Variants in HS6ST3 observed in about 807,000 individuals in gnomAD.
HS6ST3 encodes the protein heparan-sulfate 6-O-sulfotransferase 3.
Under a neutral mutation model 36.7 loss-of-function variants are expected in HS6ST3, and 12 were observed. The observed-to-expected ratio is 0.33, with a 90% CI of 0.21 to 0.53. The LOEUF (loss-of-function observed/expected upper bound fraction) is 0.53, where lower values mean the gene tolerates loss of function less well. HS6ST3 is among the 20% of genes least tolerant of loss of function. The probability of loss-of-function intolerance (pLI) is 0.95; values close to 1 mark genes in which losing one functional copy is unlikely to be tolerated. For synonymous variants in HS6ST3, 240 were observed against 257.5 expected (o/e 0.93, Z 0.65); for missense variants, 584 against 640.9 (o/e 0.91, Z 0.96).
intron 1 of HS6ST3, among the ~76,000 whole-genome samples, chr13:96,252,257 C>T (rs549884108): frequency 7.2e-5 from 11 of 152,176 alleles, no homozygotes; most frequent in African/African-American, 2.4e-4. Flanking sequence ...ATGAATTGAC[C>T]CCATTGCCTT....
intron 1 of HS6ST3, among the ~76,000 whole-genome samples, chr13:96,586,163 T>G (rs79201067): frequency 0.012 from 1,904 of 152,328 alleles, 43 homozygotes; most frequent in African/African-American, 0.044. Flanking sequence ...ACTTTTGTCT[T>G]GCTAGTATCT....
At chr13:96,494,179 G>A (rs2055960929) in intron 1 of HS6ST3, among the ~76,000 whole-genome samples, 1 of 152,020 alleles carries the variant, frequency 6.6e-6, no homozygotes, top group Non-Finnish European at 1.5e-5. Context: ...TTAATAAAAT[G>A]TGGCACCTAT....
intron 1 of HS6ST3, among the ~76,000 whole-genome samples, chr13:96,712,522 A>G (rs1875585945): frequency 1.3e-5 from 2 of 152,142 alleles, no homozygotes; most frequent in African/African-American, 2.4e-5. Context: ...GTTCAAAGGT[A>G]TTGTGTGGCC....
At chr13:96,574,580 T>C in intron 1 of HS6ST3, 2 of 264,612 alleles carry the variant, frequency 7.6e-6, no homozygotes, top group South Asian at 7.0e-5. Flanking sequence ...AGGTGCCTCC[T>C]CTTCCTGGTC....
At chr13:96,233,221 T>C (rs1189406078) in intron 1 of HS6ST3, among the ~76,000 whole-genome samples, 1 of 152,208 alleles carries the variant, frequency 6.6e-6, no homozygotes, top group Non-Finnish European at 1.5e-5. Flanking sequence ...GGGACCACTA[T>C]TAGGCTAGCA....
At chr13:96,136,063 C>T (rs937943969) in intron 1 of HS6ST3, among the ~76,000 whole-genome samples, 1 of 152,064 alleles carries the variant, frequency 6.6e-6, no homozygotes, top group African/African-American at 2.4e-5. Flanking sequence ...GTGTGTCTGC[C>T]GTATAGGGTC....
chr13:96,158,589 AT>A (rs1194216753), intron 1 of HS6ST3, among the ~76,000 whole-genome samples: 3 of 131,474 alleles, frequency 2.3e-5, no homozygotes, highest in African/African-American at 8.5e-5. Flanking sequence ...GGAGGCCGAG[AT>A]TGCAGTGAGC....
At chr13:96,755,256 T>C (rs1191115996) in intron 1 of HS6ST3, among the ~76,000 whole-genome samples, 1 of 152,220 alleles carries the variant, frequency 6.6e-6, no homozygotes, top group Non-Finnish European at 1.5e-5. Flanking sequence ...AATTAGATTG[T>C]CTACACACTT....
chr13:96,203,029 T>G (rs1285627408), intron 1 of HS6ST3, among the ~76,000 whole-genome samples: 2 of 152,188 alleles, frequency 1.3e-5, no homozygotes, highest in African/African-American at 4.8e-5. Context: ...ACTCACTCCC[T>G]CACTCATTTA....
chr13:96,607,401 C>T (rs2056442887), intron 1 of HS6ST3, among the ~76,000 whole-genome samples: 1 of 152,174 alleles, frequency 6.6e-6, no homozygotes, highest in South Asian at 2.1e-4. Flanking sequence ...CTGTCCACAA[C>T]ATGTAAGAAC....
At chr13:96,397,175 C>T (rs900573568) in intron 1 of HS6ST3, among the ~76,000 whole-genome samples, 1 of 152,126 alleles carries the variant, frequency 6.6e-6, no homozygotes, top group African/African-American at 2.4e-5. Context: ...TGCACTCCAG[C>T]CTGGGCAACA....
chr13:96,664,779 C>G (rs1480012747), intron 1 of HS6ST3, among the ~76,000 whole-genome samples: 1 of 152,184 alleles, frequency 6.6e-6, no homozygotes, highest in South Asian at 2.1e-4. Flanking sequence ...ATCAAGTTCT[C>G]TGACTTTCCC....
intron 1 of HS6ST3, among the ~76,000 whole-genome samples, chr13:96,292,963 T>C (rs1464800472): frequency 6.6e-6 from 1 of 152,100 alleles, no homozygotes; most frequent in African/African-American, 2.4e-5. Flanking sequence ...AGTTCACAAC[T>C]AATGGATGAT....
At chr13:96,820,031 G>A (rs181714131) in intron 1 of HS6ST3, among the ~76,000 whole-genome samples, 1,659 of 152,060 alleles carry the variant, frequency 0.011, 11 homozygotes, top group Middle Eastern at 0.031. Flanking sequence ...AGCCGAGATC[G>A]TGCCACTGCA....
chr13:96,106,167 A>G lies in HS6ST3; in HGVS notation c.707+14598A>G, dbSNP rs146661848. Among the ~76,000 whole-genome samples the G allele has an allele frequency of 4.0e-3, 612 of 152,378 alleles. 3 individuals are homozygous for G. Among genetic ancestry groups the G allele is most frequent in the African/African-American group, 0.014 (588 of 41,588 alleles). ...GTAGTTGTTAAAGTATTAACGTCCA[A>G]TAAATTCTCTGATACTCTTTCCTTG... On this transcript the variant is annotated intron_variant, in intron 1 of 1. Coordinates refer to ENST00000376705, the MANE Select transcript of HS6ST3 (RefSeq NM_153456.4).
chr13:96,507,034 A>G (rs961613509), intron 1 of HS6ST3, among the ~76,000 whole-genome samples: 3 of 152,152 alleles, frequency 2.0e-5, no homozygotes, highest in African/African-American at 7.2e-5. Flanking sequence ...AATGAGAAAA[A>G]TTAATTTGAA....
At chr13:96,357,400 T>G (rs2055215580) in intron 1 of HS6ST3, among the ~76,000 whole-genome samples, 1 of 152,190 alleles carries the variant, frequency 6.6e-6, no homozygotes, top group Non-Finnish European at 1.5e-5. Flanking sequence ...GTGAGAGATG[T>G]GTGACTCTGT....
At chr13:96,511,678 T>C (rs963132399) in intron 1 of HS6ST3, among the ~76,000 whole-genome samples, 1 of 151,924 alleles carries the variant, frequency 6.6e-6, no homozygotes, top group Non-Finnish European at 1.5e-5. Context: ...TCATTTTTGT[T>C]TGTCTATTAA....
At chr13:96,743,956 T>C (rs538679847) in intron 1 of HS6ST3, among the ~76,000 whole-genome samples, 20 of 152,170 alleles carry the variant, frequency 1.3e-4, no homozygotes, top group African/African-American at 4.6e-4. Flanking sequence ...TTTTTCTTTT[T>C]CTTCTCTTTT....
Sources: allele counts gnomAD v4.1 joint callset (sites outside exome capture counted in the v4.1 genomes callset), GRCh38; gene constraint gnomAD v4.1.1; transcripts MANE v1.5; gene names NCBI Gene and HGNC (gene_info 2026-07-23, HGNC 2026-07-21).